L3MBTL4: variants seen among roughly 807,000 people sequenced by gnomAD.
L3MBTL4 encodes the protein lethal(3)malignant brain tumor-like protein 4.
A neutral mutation model predicts 84.5 loss-of-function variants in L3MBTL4; 70 were observed. The ratio of observed to expected loss-of-function variants is 0.83; its 90% CI spans 0.68 to 1.01. L3MBTL4 has a LOEUF of 1.01. L3MBTL4 is among the 50% of genes least tolerant of loss of function. The pLI is 0.00. For synonymous variants in L3MBTL4, 274 were observed against 259.8 expected (o/e 1.05, Z -0.52); for missense variants, 715 against 754.8 (o/e 0.95, Z 0.62).
chr18:6,218,189 G>A (rs1180841285), intron 10 of L3MBTL4, among the ~76,000 whole-genome samples: 1 of 152,168 alleles, frequency 6.6e-6, no homozygotes, highest in Non-Finnish European at 1.5e-5. Context: ...CAGTCATAGA[G>A]GACTGCAGCC....
intron 16 of L3MBTL4, among the ~76,000 whole-genome samples, chr18:6,042,944 A>G (rs1438833434): frequency 6.6e-6 from 1 of 152,154 alleles, no homozygotes; most frequent in Non-Finnish European, 1.5e-5. Flanking sequence ...ACGTAACTCA[A>G]TATTCTCATC....
At chr18:6,285,925 G>A (rs1394620531) in intron 4 of L3MBTL4, among the ~76,000 whole-genome samples, 3 of 151,020 alleles carry the variant, frequency 2.0e-5, no homozygotes, top group Non-Finnish European at 4.4e-5. Flanking sequence ...TCCGCCTCCC[G>A]GGTTCAAGCG....
intron 14 of L3MBTL4, among the ~76,000 whole-genome samples, chr18:6,132,014 C>T (rs2059893399): frequency 6.6e-6 from 1 of 152,116 alleles, no homozygotes; most frequent in Non-Finnish European, 1.5e-5. Flanking sequence ...ACAAGAGAGA[C>T]ATCCCCAGCA....
At chr18:6,148,895 A>G (rs1294688787) in intron 13 of L3MBTL4, among the ~76,000 whole-genome samples, 1 of 152,198 alleles carries the variant, frequency 6.6e-6, no homozygotes, top group Non-Finnish European at 1.5e-5. Context: ...TTTAATGTGA[A>G]TACTATTTCA....
intron 4 of L3MBTL4, among the ~76,000 whole-genome samples, chr18:6,293,129 A>T (rs2146721254): frequency 6.6e-6 from 1 of 152,328 alleles, no homozygotes; most frequent in Admixed American, 6.5e-5. Flanking sequence ...ATAGAAATTC[A>T]TCTCTGTAGT....
At chr18:6,005,990 T>C (rs1489287322) in intron 16 of L3MBTL4, among the ~76,000 whole-genome samples, 1 of 146,298 alleles carries the variant, frequency 6.8e-6, no homozygotes, top group African/African-American at 2.5e-5. Context: ...AAATTTTATA[T>C]TGTGTATATT....
intron 5 of L3MBTL4, among the ~76,000 whole-genome samples, chr18:6,263,497 T>C (rs1260452145): frequency 1.3e-5 from 2 of 152,192 alleles, no homozygotes. Flanking sequence ...GGGGTTTCAA[T>C]GTCTTCTCTA....
intron 12 of L3MBTL4, among the ~76,000 whole-genome samples, chr18:6,182,760 C>G (rs1245771755): frequency 6.6e-6 from 1 of 151,376 alleles, no homozygotes; most frequent in African/African-American, 2.4e-5. Context: ...CTGCATATGG[C>G]TAGCCAGTTA....
At chr18:6,258,592 C>T (rs2048258791) in intron 5 of L3MBTL4, 1 of 152,244 alleles carries the variant, frequency 6.6e-6, no homozygotes, top group African/African-American at 2.4e-5. Context: ...GAATAAGGGA[C>T]AGAAAAGTCT....
intron 13 of L3MBTL4, among the ~76,000 whole-genome samples, chr18:6,148,357 AC>A (rs1173612381): frequency 6.6e-6 from 1 of 152,186 alleles, no homozygotes; most frequent in Non-Finnish European, 1.5e-5. Context: ...CAGGAGAATG[AC>A]CTTTTTGTTG....
intron 1 of L3MBTL4, chr18:6,395,772 C>T (rs912619657): frequency 3.9e-5 from 6 of 152,194 alleles, no homozygotes; most frequent in African/African-American, 1.2e-4. Flanking sequence ...GGGTGTTCTA[C>T]ACTCGGTTTT....
intron 16 of L3MBTL4, among the ~76,000 whole-genome samples, chr18:6,011,510 G>A (rs537893306): frequency 1.3e-5 from 2 of 152,246 alleles, no homozygotes; most frequent in South Asian, 4.1e-4. Flanking sequence ...TTCTGACTGA[G>A]CCCCATCTGA....
rs148115559 is a variant in L3MBTL4 at position 6,212,976 on chromosome 18, C to T, written c.981+173G>A. ...TCCTTTTTTAGGGATCCTCTAGTCC[C>T]ATCTTGGCCAGGGTCAATCTTCAAG... On this transcript the variant is annotated intron_variant, in intron 12 of 18. Coordinates refer to ENST00000317931, the MANE Select transcript of L3MBTL4 (RefSeq NM_001330559.2). Among the ~76,000 whole-genome samples, 185 of 152,280 alleles carry T rather than the reference C, an allele frequency of 1.2e-3. 1 individual carries two copies. Among genetic ancestry groups the T allele is most frequent in the African/African-American group, 4.2e-3 (174 of 41,554 alleles).
chr18:6,375,699 G>GTAA (rs1411495468), intron 1 of L3MBTL4, among the ~76,000 whole-genome samples: 1 of 152,072 alleles, frequency 6.6e-6, no homozygotes, highest in African/African-American at 2.4e-5. Context: ...AGATGACAAT[G>GTAA]GCTTAACTGC....
chr18:6,270,153 T>C (rs1273680984), intron 4 of L3MBTL4, among the ~76,000 whole-genome samples: 1 of 152,188 alleles, frequency 6.6e-6, no homozygotes, highest in Non-Finnish European at 1.5e-5. Context: ...CAACTGGAAA[T>C]GATACGATCT....
At chr18:6,367,508 G>A (rs1599796971) in intron 1 of L3MBTL4, 2 of 152,428 alleles carry the variant, frequency 1.3e-5, no homozygotes, top group South Asian at 4.1e-4. Context: ...TCTTCACACA[G>A]AGCTCTTTCA....
At chr18:6,048,025 C>T (rs950557198) in intron 16 of L3MBTL4, among the ~76,000 whole-genome samples, 2 of 152,178 alleles carry the variant, frequency 1.3e-5, no homozygotes, top group Non-Finnish European at 2.9e-5. Flanking sequence ...CTACCAAAAG[C>T]CTCCTAGAAC....
At chr18:6,149,695 T>A (rs775130323) in intron 13 of L3MBTL4, among the ~76,000 whole-genome samples, 2 of 152,210 alleles carry the variant, frequency 1.3e-5, no homozygotes, top group African/African-American at 2.4e-5. Context: ...TTTCTCCACA[T>A]CCTAAGGACT....
chr18:6,146,329 A>C (rs942302837), intron 13 of L3MBTL4, among the ~76,000 whole-genome samples: 4 of 152,212 alleles, frequency 2.6e-5, no homozygotes, highest in African/African-American at 9.6e-5. Context: ...CCCCATGGCG[A>C]GTTCGTGTCC....
Sources: allele counts gnomAD v4.1 joint callset (sites outside exome capture counted in the v4.1 genomes callset), GRCh38; gene constraint gnomAD v4.1.1; transcripts MANE v1.5; gene names NCBI Gene and HGNC (gene_info 2026-07-23, HGNC 2026-07-21).